FARP2: variants seen among roughly 807,000 people sequenced by gnomAD.
FARP2 encodes the protein FERM, ARH/RhoGEF and pleckstrin domain protein 2.
FARP2 carries 111 observed loss-of-function variants against 130.5 expected under a neutral mutation model. That is an observed-to-expected ratio of 0.85 (90% confidence interval 0.73 to 1.00). The LOEUF (loss-of-function observed/expected upper bound fraction) is 1.00, where lower values mean the gene tolerates loss of function less well. Ranked by LOEUF, FARP2 falls within the 50% of genes least tolerant of loss-of-function variation. The pLI is 0.00. For synonymous variants in FARP2, 504 were observed against 516.9 expected (o/e 0.98, Z 0.34); for missense variants, 1,385 against 1,346.3 (o/e 1.03, Z -0.45).
At chr2:241,463,312 A>G (rs1217078448) in intron 15 of FARP2, 23 bp from the exon 16 acceptor site, 1 of 1,610,618 alleles carries the variant, frequency 6.2e-7, no homozygotes, top group Non-Finnish European at 8.5e-7. Flanking sequence ...CACACCTCCC[A>G]TCACACCACA....
At chr2:241,358,279 C>G (rs1336544151) in intron 1 of FARP2, among the ~76,000 whole-genome samples, 6 of 152,188 alleles carry the variant, frequency 3.9e-5, no homozygotes, top group Non-Finnish European at 7.3e-5. Context: ...TTATTATTAT[C>G]AGGTGGACAA....
chr2:241,388,117 T>C (rs1449282033), intron 2 of FARP2, among the ~76,000 whole-genome samples: 1 of 152,112 alleles, frequency 6.6e-6, no homozygotes, highest in Non-Finnish European at 1.5e-5. Context: ...AAACCTAAAA[T>C]AGCCAAAAAC....
At chr2:241,418,941 A>G (rs1405677742) in intron 8 of FARP2, among the ~76,000 whole-genome samples, 3 of 152,152 alleles carry the variant, frequency 2.0e-5, no homozygotes, top group South Asian at 2.1e-4. Context: ...TGCACCTCTG[A>G]TAGACTACGG....
intron 17 of FARP2, chr2:241,466,269 G>A: frequency 1.0e-6 from 1 of 985,430 alleles, no homozygotes; most frequent in African/African-American, 1.7e-5. Context: ...GCCCCGGTGT[G>A]GAGTGGTGAG....
chr2:241,439,906 C>A (rs1241600728), intron 12 of FARP2, among the ~76,000 whole-genome samples: 4 of 151,890 alleles, frequency 2.6e-5, no homozygotes, highest in Non-Finnish European at 5.9e-5. Flanking sequence ...TGCAGTGAGC[C>A]GAGATGGCAC....
rs770557661 is a variant in FARP2 at position 241,418,084 on chromosome 2, C to G, written c.746C>G (p.Ser249Cys). ...GGAACCAAGATTCAACTGGCAGTTT[C>G]CCACATGGGTGTACTCGTGTTCCAG... ...REGTKIQLAV[S>C]HMGVLVFQGT... The change falls in exon 8 of 27, where the codon TCC (serine) becomes TGC (cysteine). Residue 249 changes from serine to cysteine, a missense_variant. By Grantham distance (112) the Ser-to-Cys change is moderately radical. Transcript: ENST00000264042. The G allele has an allele frequency of 6.2e-7, 1 of 1,614,176 alleles. No individual in the cohort carries two copies. Among genetic ancestry groups the G allele is most frequent in the Non-Finnish European group, 8.5e-7 (1 of 1,180,040 alleles).
At chr2:241,373,742 A>C (rs1365169357) in intron 2 of FARP2, among the ~76,000 whole-genome samples, 1 of 152,244 alleles carries the variant, frequency 6.6e-6, no homozygotes, top group African/African-American at 2.4e-5. Context: ...AGGATTGAGC[A>C]AACACACAGA....
At chr2:241,483,643 A>T in intron 20 of FARP2, 110 bp downstream of exon 20, 1 of 1,317,354 alleles carries the variant, frequency 7.6e-7, no homozygotes, top group Non-Finnish European at 1.1e-6. Flanking sequence ...GTAGTTTAGC[A>T]CTTGGAGGCT....
intron 2 of FARP2, among the ~76,000 whole-genome samples, chr2:241,381,012 C>A (rs1307724315): frequency 6.6e-6 from 1 of 152,166 alleles, no homozygotes; most frequent in Non-Finnish European, 1.5e-5. Flanking sequence ...CCTTACCCCC[C>A]TGATGGAATG....
intron 2 of FARP2, among the ~76,000 whole-genome samples, chr2:241,400,648 G>A (rs773817810): frequency 2.0e-5 from 3 of 152,204 alleles, no homozygotes; most frequent in Non-Finnish European, 2.9e-5. Context: ...GCCTGGGCAT[G>A]TCATTATCCC....
intron 1 of FARP2, among the ~76,000 whole-genome samples, chr2:241,367,741 T>G (rs1351625810): frequency 1.3e-5 from 2 of 152,112 alleles, no homozygotes; most frequent in African/African-American, 4.8e-5. Context: ...TACCCGTTAC[T>G]GTGGATGGTG....
At chr2:241,441,792 G>A in intron 13 of FARP2, 1 of 623,594 alleles carries the variant, frequency 1.6e-6, no homozygotes, top group Non-Finnish European at 2.9e-6. Context: ...ATGCCCAGCT[G>A]CAGGTATCTG....
chr2:241,453,382 G>A (rs1259883562), intron 13 of FARP2, among the ~76,000 whole-genome samples: 3 of 151,578 alleles, frequency 2.0e-5, no homozygotes, highest in Non-Finnish European at 4.4e-5. Context: ...CAGCACTTTG[G>A]GAGGCCAAGG....
At chr2:241,427,285 CA>C (rs1313754204) in intron 8 of FARP2, among the ~76,000 whole-genome samples, 1 of 152,060 alleles carries the variant, frequency 6.6e-6, no homozygotes, top group Admixed American at 6.6e-5. Flanking sequence ...TTAAAAAATA[CA>C]AATTTAACAC....
At chr2:241,389,162 T>G (rs1196332912) in intron 2 of FARP2, among the ~76,000 whole-genome samples, 5 of 151,862 alleles carry the variant, frequency 3.3e-5, no homozygotes, top group Non-Finnish European at 7.4e-5. Context: ...GTGCCTATAA[T>G]TCCAACTACT....
chr2:241,404,838 C>G lies in FARP2; in HGVS notation c.328C>G (p.Arg110Gly), dbSNP rs139350501. The G allele has an allele frequency of 1.2e-6, 2 of 1,607,306 alleles. No individual in the cohort carries two copies. Among genetic ancestry groups the G allele is most frequent in the Non-Finnish European group, 1.7e-6 (2 of 1,174,092 alleles). ...EPMKPIIRQI[R>G]RPKNVVLRLA... ...TATGAAACCCATCATTAGGCAAATA[C>G]GAAGTAAGTCCTTGGTTTGACTCTT... Residue 110 changes from arginine (R) to glycine (G), a missense_variant, in exon 4 of 27, where the codon CGA (arginine) becomes GGA (glycine). By Grantham distance (125) the Arg-to-Gly change is moderately radical. Transcript: ENST00000264042.
chr2:241,356,886 A>C (rs1306451455), intron 1 of FARP2, among the ~76,000 whole-genome samples: 1 of 152,216 alleles, frequency 6.6e-6, no homozygotes, highest in African/African-American at 2.4e-5. Context: ...GCATTTCTTT[A>C]AATTGTATCT....
intron 13 of FARP2, chr2:241,442,793 G>A (rs1423281803): frequency 3.5e-6 from 1 of 285,426 alleles, no homozygotes; most frequent in Non-Finnish European, 6.9e-6. Context: ...ATTAGTCTTT[G>A]TAGTTTATGT....
At chr2:241,372,927 C>A (rs914068905) in intron 1 of FARP2, 157 bp from the exon 2 acceptor site, 16 of 391,264 alleles carry the variant, frequency 4.1e-5, no homozygotes, top group Non-Finnish European at 7.2e-5. Flanking sequence ...AGAAAATAAT[C>A]TTTTGTAACA....
Sources: gnomAD v4.1 joint callset for allele counts (sites outside exome capture counted in the v4.1 genomes callset) on GRCh38, gnomAD v4.1.1 for gene constraint, MANE v1.5 for transcripts, NCBI Gene and HGNC (gene_info 2026-07-23, HGNC 2026-07-21) for gene names.